The following CDH13 variants were observed in gnomAD, a reference collection of about 807,000 sequenced individuals.
CDH13 encodes cadherin 13.
A neutral mutation model predicts 63.8 loss-of-function variants in CDH13; 24 were observed. The observed-to-expected ratio is 0.38, with a 90% confidence interval of 0.27 to 0.53. CDH13 has a LOEUF of 0.53. Ranked by LOEUF, CDH13 falls within the 20% of genes least tolerant of loss-of-function variation. CDH13 has a pLI of 0.85. For synonymous variants in CDH13, 503 were observed against 355.3 expected (o/e 1.42, Z -4.67); for missense variants, 1,049 against 903.1 (o/e 1.16, Z -2.07).
At chr16:82,957,219 G>A (rs1191470568) in intron 2 of CDH13, among the ~76,000 whole-genome samples, 2 of 152,136 alleles carry the variant, frequency 1.3e-5, no homozygotes, top group African/African-American at 2.4e-5. Context: ...TCTTCTTGGC[G>A]AGCTGTTGAC....
intron 11 of CDH13, among the ~76,000 whole-genome samples, chr16:83,749,247 G>T (rs560440330): frequency 1.3e-5 from 2 of 152,156 alleles, no homozygotes. Flanking sequence ...TGAACTAAGA[G>T]TTCTCAGTCC....
At chr16:82,980,128 G>C (rs1278642905) in intron 2 of CDH13, among the ~76,000 whole-genome samples, 1 of 152,202 alleles carries the variant, frequency 6.6e-6, no homozygotes, top group Admixed American at 6.5e-5. Context: ...AAGAGGAGAG[G>C]AGGGAGCCCT....
intron 2 of CDH13, among the ~76,000 whole-genome samples, chr16:83,001,001 T>C (rs1335509560): frequency 6.6e-6 from 1 of 152,230 alleles, no homozygotes; most frequent in Non-Finnish European, 1.5e-5. Context: ...TCAGCTGATT[T>C]TACTACCATT....
At chr16:83,712,334 A>C (rs1908189164) in intron 10 of CDH13, among the ~76,000 whole-genome samples, 2 of 152,204 alleles carry the variant, frequency 1.3e-5, no homozygotes, top group Non-Finnish European at 2.9e-5. Context: ...ACCAAACTCC[A>C]GGTCTAGGCA....
At chr16:83,008,032 G>C (rs1913727597) in intron 2 of CDH13, among the ~76,000 whole-genome samples, 1 of 152,114 alleles carries the variant, frequency 6.6e-6, no homozygotes, top group Admixed American at 6.6e-5. Context: ...TAGTTGCTAA[G>C]AGAAGACACG....
At chr16:83,788,152 G>C (rs1000221926) in intron 13 of CDH13, among the ~76,000 whole-genome samples, 2 of 152,160 alleles carry the variant, frequency 1.3e-5, no homozygotes, top group Non-Finnish European at 2.9e-5. Context: ...ATTGCCCTCT[G>C]TAAATCCAAT....
intron 1 of CDH13, among the ~76,000 whole-genome samples, chr16:82,726,170 G>A (rs1191925628): frequency 2.6e-5 from 4 of 152,264 alleles, no homozygotes; most frequent in African/African-American, 7.2e-5. Flanking sequence ...GCGCACGGTA[G>A]GTTATACAGC....
chr16:83,136,341 C>T (rs1313432382), intron 4 of CDH13, among the ~76,000 whole-genome samples: 4 of 151,694 alleles, frequency 2.6e-5, no homozygotes, highest in Non-Finnish European at 5.9e-5. Flanking sequence ...CAAAAATTAG[C>T]CGGGCGTAGT....
intron 7 of CDH13, among the ~76,000 whole-genome samples, chr16:83,521,291 T>C (rs1461291472): frequency 2.0e-5 from 3 of 152,116 alleles, no homozygotes; most frequent in Non-Finnish European, 4.4e-5. Context: ...GGCCACCCTG[T>C]ATGACTGTGA....
intron 8 of CDH13, among the ~76,000 whole-genome samples, chr16:83,616,345 C>G (rs145635714): frequency 2.6e-5 from 4 of 152,294 alleles, no homozygotes; most frequent in African/African-American, 9.6e-5. Context: ...ATTAATCACT[C>G]TTTCATAATT....
At position 83,163,549 on chromosome 16, in the gene CDH13, G is replaced by A. The variant is rs183471940; in HGVS notation, c.483+38048G>A. ...TTGGCACTCACCCATGTCCAGCCCC[G>A]TTCCTCCTGGGCACACAGAAATTTC... On this transcript the variant is annotated intron_variant, in intron 4 of 13. Coordinates refer to ENST00000567109, the MANE Select transcript of CDH13 (RefSeq NM_001257.5). Among the ~76,000 whole-genome samples, 38 of 152,176 alleles carry A rather than the reference G, an allele frequency of 2.5e-4. 1 individual carries two copies. Among genetic ancestry groups the A allele is most frequent in the African/African-American group, 7.7e-4 (32 of 41,546 alleles).
At chr16:83,329,029 A>C (rs1355590477) in intron 5 of CDH13, among the ~76,000 whole-genome samples, 1 of 152,138 alleles carries the variant, frequency 6.6e-6, no homozygotes, top group African/African-American at 2.4e-5. Context: ...GGGCCTTAGC[A>C]CCTTCCATTC....
At chr16:83,433,022 C>G (rs2072173135) in intron 6 of CDH13, among the ~76,000 whole-genome samples, 1 of 152,184 alleles carries the variant, frequency 6.6e-6, no homozygotes, top group South Asian at 2.1e-4. Context: ...TCCTACTGAA[C>G]TGGGGTAGAA....
chr16:83,480,407 C>T (rs746614987), intron 6 of CDH13, among the ~76,000 whole-genome samples: 18 of 152,112 alleles, frequency 1.2e-4, no homozygotes, highest in Non-Finnish European at 2.4e-4. Flanking sequence ...GGTCCTCAGC[C>T]GGGCCACTGG....
intron 1 of CDH13, among the ~76,000 whole-genome samples, chr16:82,782,177 G>T (rs1257476648): frequency 6.6e-6 from 1 of 152,194 alleles, no homozygotes; most frequent in Non-Finnish European, 1.5e-5. Flanking sequence ...TAGGGCACCA[G>T]GCAGGAGCTG....
At chr16:83,611,233 G>C (rs562945316) in intron 8 of CDH13, among the ~76,000 whole-genome samples, 1 of 151,646 alleles carries the variant, frequency 6.6e-6, no homozygotes, top group Non-Finnish European at 1.5e-5. Flanking sequence ...TTACACTCTG[G>C]CTTTCCTCTT....
At position 83,329,722 on chromosome 16, in the gene CDH13, A is replaced by G. The variant is rs543149122; in HGVS notation, c.637-15140A>G. On this transcript the variant is annotated intron_variant, in intron 5 of 13. Coordinates refer to ENST00000567109, the MANE Select transcript of CDH13 (RefSeq NM_001257.5). ...CTTGAGAGTCACCATTCTACTTTCT[A>G]TTTCTGGAAATTTGATTACTTTAGA... Among the ~76,000 whole-genome samples, 273 of 152,108 alleles carry G rather than the reference A, an allele frequency of 1.8e-3. No individual in the cohort carries two copies. The Middle Eastern group carries it at 0.031, about 17-fold the overall frequency.
chr16:83,573,347 T>G (rs532730274), intron 7 of CDH13, among the ~76,000 whole-genome samples: 1 of 152,176 alleles, frequency 6.6e-6, no homozygotes, highest in African/African-American at 2.4e-5. Flanking sequence ...CACCATTCAG[T>G]GGTGGGTCAG....
intron 5 of CDH13, among the ~76,000 whole-genome samples, chr16:83,335,668 C>T (rs2090577166): frequency 6.6e-6 from 1 of 152,180 alleles, no homozygotes; most frequent in African/African-American, 2.4e-5. Flanking sequence ...AGATTGACCC[C>T]TGACCTAATC....
Sources: gnomAD v4.1 joint callset for allele counts (sites outside exome capture counted in the v4.1 genomes callset) on GRCh38, gnomAD v4.1.1 for gene constraint, MANE v1.5 for transcripts, NCBI Gene and HGNC (gene_info 2026-07-23, HGNC 2026-07-21) for gene names.